GRB10: variants seen among roughly 807,000 people sequenced by gnomAD.
The protein encoded by GRB10 is growth factor receptor-bound protein 10.
A neutral mutation model predicts 80.9 loss-of-function variants in GRB10; 20 were observed. That is an observed-to-expected ratio of 0.25 (90% confidence interval 0.17 to 0.36). The LOEUF (loss-of-function observed/expected upper bound fraction) is 0.36, where lower values mean the gene tolerates loss of function less well. GRB10 is among the 10% of genes least tolerant of loss of function. The pLI is 1.00. For synonymous variants in GRB10, 291 were observed against 291.5 expected, an observed-to-expected ratio of 1.00 and a Z score of 0.02; for missense variants, 548 against 747.7, an observed-to-expected ratio of 0.73 and a Z score of 3.12.
At chr7:50,613,116 A>G (rs1013490803) in intron 12 of GRB10, among the ~76,000 whole-genome samples, 2 of 152,208 alleles carry the variant, frequency 1.3e-5, no homozygotes, top group Non-Finnish European at 2.9e-5. Context: ...GAGACAGAAA[A>G]ACAAACTAGC....
At chr7:50,746,554 C>T (rs1056101803) in intron 3 of GRB10, among the ~76,000 whole-genome samples, 1 of 152,120 alleles carries the variant, frequency 6.6e-6, no homozygotes, top group Non-Finnish European at 1.5e-5. Flanking sequence ...CCTGTGAGGG[C>T]CTTTCCTCAG....
chr7:50,645,072 A>T (rs1024921800), intron 7 of GRB10, among the ~76,000 whole-genome samples: 4 of 152,242 alleles, frequency 2.6e-5, no homozygotes, highest in Admixed American at 2.6e-4. Context: ...ATTTAGGGCT[A>T]TAATTTTATT....
At position 50,633,286 on chromosome 7, in the gene GRB10, C is replaced by T. The variant is rs1009552; in HGVS notation, c.505-6308G>A. On this transcript the variant is annotated intron_variant, in intron 7 of 18. Transcript: ENST00000401949. ...CAACTAGCATTTGAGAAAACCACTA[C>T]ACTAAAGCTATCTATAACCAAGTAA... is the stretch of plus-strand genomic sequence containing the variant. Among the ~76,000 whole-genome samples, 1,490 of 152,292 alleles carry T rather than the reference C, an allele frequency of 9.8e-3. 27 individuals carry two copies. Among genetic ancestry groups the T allele is most frequent in the African/African-American group, 0.034 (1,397 of 41,564 alleles).
chr7:50,690,507 C>T (rs919705215), intron 5 of GRB10, among the ~76,000 whole-genome samples: 1 of 152,164 alleles, frequency 6.6e-6, no homozygotes, highest in Admixed American at 6.5e-5. Flanking sequence ...AAGTTGTACT[C>T]TGCTACTTCG....
chr7:50,726,186 C>A (rs1032411683), intron 4 of GRB10, among the ~76,000 whole-genome samples: 4 of 152,122 alleles, frequency 2.6e-5, no homozygotes, highest in African/African-American at 9.7e-5. Context: ...CTACTTGAGA[C>A]CAGAAGTTCA....
At chr7:50,690,684 G>A (rs571142132) in intron 5 of GRB10, among the ~76,000 whole-genome samples, 14 of 90,376 alleles carry the variant, frequency 1.5e-4, no homozygotes, top group African/African-American at 3.1e-4. Context: ...ACGAATGAAC[G>A]AATGAATGAA....
At chr7:50,779,830 C>T (rs1006200311) in intron 2 of GRB10, 4 of 152,216 alleles carry the variant, frequency 2.6e-5, no homozygotes, top group Non-Finnish European at 4.4e-5. Flanking sequence ...ACCATTTACA[C>T]ATTTAGAATT....
intron 7 of GRB10, among the ~76,000 whole-genome samples, chr7:50,666,369 G>A (rs1050718711): frequency 3.9e-5 from 6 of 152,196 alleles, no homozygotes; most frequent in Non-Finnish European, 8.8e-5. Context: ...GAGGAATCGC[G>A]TGCTGTTGAA....
At chr7:50,681,349 T>C (rs1052549019) in intron 5 of GRB10, among the ~76,000 whole-genome samples, 10 of 152,220 alleles carry the variant, frequency 6.6e-5, no homozygotes, top group African/African-American at 1.9e-4. Context: ...CCTGGCCCTT[T>C]TGGACTTTAG....
intron 6 of GRB10, 128 bp downstream of exon 6, chr7:50,674,308 T>C (rs953953113): frequency 2.2e-6 from 2 of 907,446 alleles, no homozygotes; most frequent in South Asian, 1.4e-5. Context: ...ATCAAAGCAA[T>C]GTATCTGCCT....
intron 2 of GRB10, among the ~76,000 whole-genome samples, chr7:50,770,481 C>T (rs1429690657): frequency 6.6e-6 from 1 of 152,224 alleles, no homozygotes; most frequent in Non-Finnish European, 1.5e-5. Flanking sequence ...CACACCTGTG[C>T]TTCCACCTGT....
intron 17 of GRB10, among the ~76,000 whole-genome samples, chr7:50,603,653 G>A (rs12718729): frequency 0.61 from 93,012 of 152,152 alleles, 29,162 homozygotes; most frequent in Non-Finnish European, 0.69. Context: ...CCAACCTCAT[G>A]TAGTACACAA....
intron 10 of GRB10, 30 bp from the exon 11 acceptor site, chr7:50,616,377 TA>T: frequency 6.3e-7 from 1 of 1,595,160 alleles, no homozygotes; most frequent in Non-Finnish European, 8.6e-7. Context: ...TAAAATCACA[TA>T]ATGCTAATCT....
intron 5 of GRB10, among the ~76,000 whole-genome samples, chr7:50,699,474 A>C (rs1294599892): frequency 2.6e-5 from 4 of 152,240 alleles, no homozygotes; most frequent in Admixed American, 6.5e-5. Flanking sequence ...TATTATAATG[A>C]GTGAAGAGTT....
chr7:50,688,495 A>C (rs2062377978), intron 5 of GRB10, among the ~76,000 whole-genome samples: 1 of 152,206 alleles, frequency 6.6e-6, no homozygotes, highest in African/African-American at 2.4e-5. Flanking sequence ...AAGAGGTTAA[A>C]TCATTCCTGG....
At chr7:50,634,895 A>G (rs1278150206) in intron 7 of GRB10, among the ~76,000 whole-genome samples, 1 of 152,264 alleles carries the variant, frequency 6.6e-6, no homozygotes, top group African/African-American at 2.4e-5. Context: ...TAAAACAAAT[A>G]CAACTACACC....
At chr7:50,600,476 T>G (rs558168306) in intron 17 of GRB10, among the ~76,000 whole-genome samples, 2 of 151,942 alleles carry the variant, frequency 1.3e-5, no homozygotes, top group East Asian at 3.9e-4. Flanking sequence ...TAAACCCAAG[T>G]GCATCTGGGA....
At chr7:50,668,218 G>A (rs2060005818) in intron 7 of GRB10, among the ~76,000 whole-genome samples, 1 of 152,096 alleles carries the variant, frequency 6.6e-6, no homozygotes, top group African/African-American at 2.4e-5. Flanking sequence ...ATTGGAAAAA[G>A]GTCTCTCTCT....
intron 12 of GRB10, 71 bp downstream of exon 12, chr7:50,614,699 G>C: frequency 1.1e-6 from 1 of 913,792 alleles, no homozygotes; most frequent in Non-Finnish European, 1.8e-6. Flanking sequence ...ATCAAGTGCT[G>C]GGCAAGAGAA....
Sources: allele counts gnomAD v4.1 joint callset (sites outside exome capture counted in the v4.1 genomes callset), GRCh38; gene constraint gnomAD v4.1.1; transcripts MANE v1.5; gene names NCBI Gene and HGNC (gene_info 2026-07-23, HGNC 2026-07-21).